BUB1: variants seen among roughly 807,000 people sequenced by gnomAD.
The protein encoded by BUB1 is mitotic checkpoint serine/threonine-protein kinase BUB1.
BUB1 carries 84 observed loss-of-function variants against 135.2 expected under a neutral mutation model. The observed-to-expected ratio is 0.62, with a 90% CI of 0.52 to 0.74. BUB1 has a LOEUF of 0.74. Among genes scored for constraint, BUB1 ranks in the 30% least tolerant of loss-of-function variants. The probability of loss-of-function intolerance (pLI) is 0.00; values close to 1 mark genes in which losing one functional copy is unlikely to be tolerated. For synonymous variants in BUB1, 403 were observed against 434.4 expected, an observed-to-expected ratio of 0.93 and a Z score of 0.90; for missense variants, 1,162 against 1,288.3, an observed-to-expected ratio of 0.90 and a Z score of 1.50.
At chr2:110,669,116 G>A (rs1690347682) in intron 6 of BUB1, among the ~76,000 whole-genome samples, 1 of 152,166 alleles carries the variant, frequency 6.6e-6, no homozygotes, top group African/African-American at 2.4e-5. Context: ...GAAGCCCCCA[G>A]GTGGATCCAT....
At position 110,649,299 on chromosome 2, in the gene BUB1, T is replaced by C; in HGVS notation, c.2282A>G (p.Tyr761Cys). ...ACATTGCCATTCAAAAGTATTTGGA[T>C]AGGAACTCACTGGTTTAGAAAGCCC... ...LSGLSKPVSS[Y>C]PNTFEWQCKL... The change falls in exon 19 of 25, where the codon TAT becomes TGT. Residue 761 changes from tyrosine (Y) to cysteine (C), a missense_variant. By Grantham distance (194) the Tyr-to-Cys change is radical. Coordinates refer to ENST00000302759, the MANE Select transcript of BUB1 (RefSeq NM_004336.5). 1 of 1,612,352 alleles carries C rather than the reference T, an allele frequency of 6.2e-7. No homozygotes were observed. The highest frequency in any genetic ancestry group is 1.3e-5 in the African/African-American group (1 of 74,680).
At chr2:110,671,145 C>T (rs1385802332) in intron 4 of BUB1, among the ~76,000 whole-genome samples, 2 of 152,180 alleles carry the variant, frequency 1.3e-5, no homozygotes, top group South Asian at 2.1e-4. Flanking sequence ...AAGTGGTAAC[C>T]CTTGTTGGCT....
At position 110,648,357 on chromosome 2, in the gene BUB1, G is replaced by A. The variant is rs1229609870; in HGVS notation, c.2347+877C>T. ...TGGAAAAGGCAAAACTACACAGACAGCAAAACAATCAGTGGTTGCCAGGCG... is the reference window on the plus strand; with the variant it reads ...TGGAAAAGGCAAAACTACACAGACAACAAAACAATCAGTGGTTGCCAGGCG... On this transcript the variant is annotated intron_variant, in intron 19 of 24. Transcript: ENST00000302759. The surrounding 1 kb of genome is among the most constrained non-coding windows in gnomAD (Gnocchi z 4.2). Among the ~76,000 whole-genome samples, 1 of 152,128 alleles carries A rather than the reference G, an allele frequency of 6.6e-6. No individual in the cohort carries two copies. The highest frequency in any genetic ancestry group is 1.5e-5 in the Non-Finnish European group (1 of 68,026).
intron 19 of BUB1, among the ~76,000 whole-genome samples, chr2:110,646,635 T>C (rs1689654504): frequency 6.6e-6 from 1 of 152,142 alleles, no homozygotes; most frequent in Admixed American, 6.5e-5. Flanking sequence ...GTCCCCCAAA[T>C]ACTTGGAGAT....
At chr2:110,641,868 A>G in intron 20 of BUB1, 65 bp from the exon 21 acceptor site, 1 of 1,508,598 alleles carries the variant, frequency 6.6e-7, no homozygotes, top group Non-Finnish European at 9.0e-7. Context: ...GCAATAAAGC[A>G]ACCTCTATCC....
chr2:110,637,977 C>A lies in BUB1; in HGVS notation c.3245G>T (p.Arg1082Leu), dbSNP rs748999502. The A allele has an allele frequency of 7.4e-6, 11 of 1,494,758 alleles. No homozygotes were observed. The Admixed American group carries it at 2.5e-4, about 34-fold the overall frequency. 92.6% of individuals were successfully genotyped at this position (1,494,758 alleles called of 1,614,324 possible). A position where few individuals can be genotyped will look rare whatever the true frequency, so the allele number is the denominator to read the frequency against. Reference sequence around the variant, plus strand: ...TATATCCAAATTTTATTTTCGTGAACGCTTACATTCTAAGAGCAGTACAAT... The same window carrying A: ...TATATCCAAATTTTATTTTCGTGAAAGCTTACATTCTAAGAGCAGTACAAT... ...RLIVLLLECK[R>L]SRK is the part of the protein sequence containing the mutation. The change falls in exon 25 of 25, where the codon CGT becomes CTT. Residue 1082 changes from arginine (R) to leucine (L), a missense_variant. Coordinates refer to ENST00000302759, the MANE Select transcript of BUB1 (RefSeq NM_004336.5).
chr2:110,657,487 C>G (rs1232210522), intron 14 of BUB1, 59 bp downstream of exon 14: 1 of 1,287,340 alleles, frequency 7.8e-7, no homozygotes, highest in East Asian at 2.5e-5. Flanking sequence ...ACCACCCCAC[C>G]ACCTCTGGTC....
At chr2:110,670,679 C>G (rs748089132) in intron 4 of BUB1, 111 bp from the exon 5 acceptor site, 2 of 1,078,938 alleles carry the variant, frequency 1.9e-6, no homozygotes, top group African/African-American at 3.2e-5. Flanking sequence ...TAAAGTCTGA[C>G]GTCAAGAGAG....
Position 110,663,609 on chromosome 2 carries a change from T to C in BUB1, c.958-1768A>G, listed in dbSNP as rs114406522. ...GGAATTCTAACACTTCACATAGCTG[T>C]TGAAGGAGGCTAGGAGCGGTGTGTC... is the stretch of plus-strand genomic sequence containing the variant. On this transcript the variant is annotated intron_variant, in intron 9 of 24. Transcript: ENST00000302759. Among the ~76,000 whole-genome samples the C allele has an allele frequency of 5.3e-3, 808 of 152,336 alleles. 12 individuals carry two copies. The highest frequency in any genetic ancestry group is 0.019 in the African/African-American group (773 of 41,578).
intron 24 of BUB1, 122 bp from the exon 25 acceptor site, chr2:110,638,281 C>T: frequency 1.6e-6 from 1 of 608,228 alleles, no homozygotes; most frequent in Non-Finnish European, 2.6e-6. Flanking sequence ...CACCTAAACA[C>T]AATACAATGC....
chr2:110,645,701 T>TAA (rs946797826), intron 19 of BUB1, among the ~76,000 whole-genome samples: 1 of 151,848 alleles, frequency 6.6e-6, no homozygotes, highest in African/African-American at 2.4e-5. Flanking sequence ...AGCTGGGACT[T>TAA]ACAGGCACGT....
chr2:110,675,622 G>GA (rs1690556918), intron 1 of BUB1, among the ~76,000 whole-genome samples: 2 of 146,310 alleles, frequency 1.4e-5, no homozygotes, highest in East Asian at 2.0e-4. Context: ...TTTTTTTTTT[G>GA]AAAAAACGAT....
chr2:110,674,029 A>T, intron 3 of BUB1, 57 bp downstream of exon 3: 2 of 1,366,158 alleles, frequency 1.5e-6, no homozygotes, highest in Non-Finnish European at 2.0e-6. Flanking sequence ...ATCTAAGTTT[A>T]AAAAGCAAAA....
rs1267393661 is a variant in BUB1 at position 110,641,068 on chromosome 2, A to G, written c.2921T>C (p.Val974Ala). The change falls in exon 23 of 25, where the codon GTT becomes GCT. Residue 974 changes from valine to alanine, a missense_variant. By Grantham distance (64) the Val-to-Ala change is moderately conservative. Coordinates refer to ENST00000302759, the MANE Select transcript of BUB1 (RefSeq NM_004336.5). ...CCATGGTTTGTTGCTGAGCATCTCA[A>G]CACACTGAAAACCAGATGTTTCACA... is the stretch of plus-strand genomic sequence containing the variant. ...AKCETSGFQC[V>A]EMLSNKPWNY... 4 of 1,605,660 alleles carry G rather than the reference A, an allele frequency of 2.5e-6. No homozygotes were observed. Among genetic ancestry groups the G allele is most frequent in the Non-Finnish European group, 3.4e-6 (4 of 1,177,336 alleles).
In BUB1 at chr2:110,642,114, T is replaced by C. The variant is rs751498003; in HGVS notation, c.2463+5A>G. On this transcript the variant is annotated splice_donor_5th_base_variant and intron_variant, in intron 20 of 24. Transcript: ENST00000302759. ...ATCATACAAAAGACAACTCAGGTCA[T>C]TTACCTTTAAAACAAATTTCTGTTT... 7.5e-6 allele frequency: 12 copies of C among 1,591,024 alleles called. No individual in the cohort carries two copies. The African/African-American group carries it at 1.4e-4, about 18-fold the overall frequency.
In BUB1 at chr2:110,655,815, G is replaced by C. The variant is rs748547711; in HGVS notation, c.1800C>G (p.Phe600Leu). 5.0e-6 allele frequency: 8 copies of C among 1,613,994 alleles called. No homozygotes were observed. Among genetic ancestry groups the C allele is most frequent in the Non-Finnish European group, 5.9e-6 (7 of 1,179,914 alleles). Reference sequence around the variant, plus strand: ...TAGACGCAAGTTGTGCAGCAGATGTGAAGTCTCCTGGGCTCTTAGGACTGG... The same window carrying C: ...TAGACGCAAGTTGTGCAGCAGATGTCAAGTCTCCTGGGCTCTTAGGACTGG... ...LAPSPKSPGD[F>L]TSAAQLASTP... Residue 600 changes from phenylalanine (F) to leucine (L), a missense_variant, in exon 16 of 25, where the codon TTC becomes TTG. By Grantham distance (22) the Phe-to-Leu change is conservative. Coordinates refer to ENST00000302759, the MANE Select transcript of BUB1 (RefSeq NM_004336.5).
At chr2:110,676,764 TTAATA>T (rs1453897710) in intron 1 of BUB1, 2 of 152,118 alleles carry the variant, frequency 1.3e-5, no homozygotes, top group African/African-American at 2.4e-5. Context: ...GTGCAGACAT[TTAATA>T]TATTATAATA....
At chr2:110,674,407 T>G (rs1690516865) in intron 1 of BUB1, 42 bp from the exon 2 acceptor site, 2 of 1,572,790 alleles carry the variant, frequency 1.3e-6, no homozygotes. Flanking sequence ...TTAGGGATAA[T>G]TTCTACAAGC....
chr2:110,657,485 A>G, intron 14 of BUB1, 61 bp downstream of exon 14: 2 of 1,271,282 alleles, frequency 1.6e-6, no homozygotes. Context: ...TCACCACCCC[A>G]CCACCTCTGG....
Sources: allele counts gnomAD v4.1 joint callset (sites outside exome capture counted in the v4.1 genomes callset), GRCh38; gene constraint gnomAD v4.1.1; non-coding constraint Gnocchi (gnomAD v3.1); transcripts MANE v1.5; gene names NCBI Gene and HGNC (gene_info 2026-07-23, HGNC 2026-07-21).